The following SHC4 variants were observed in gnomAD, a reference collection of about 807,000 sequenced individuals.
SHC4 encodes the protein SHC adaptor protein 4.
A neutral mutation model predicts 69.4 loss-of-function variants in SHC4; 41 were observed. The ratio of observed to expected loss-of-function variants is 0.59; its 90% CI spans 0.46 to 0.77. The LOEUF is 0.77. SHC4 is among the 30% of genes least tolerant of loss of function. The pLI, the probability that SHC4 is intolerant of heterozygous loss-of-function variation, is 0.00. For synonymous variants in SHC4, 318 were observed against 299.3 expected (o/e 1.06, Z -0.64); for missense variants, 777 against 783.8 (o/e 0.99, Z 0.10).
At position 48,932,771 on chromosome 15, in the gene SHC4, A is replaced by G. The variant is rs759499678; in HGVS notation, c.586-7822T>C. 2.0e-4 allele frequency among the ~76,000 whole-genome samples: 31 copies of G among 152,134 alleles called. 1 individual carries two copies. The highest frequency in any genetic ancestry group is 4.0e-4 in the Non-Finnish European group (27 of 68,020). ...TATGAACTTCTAGCAGACCTTTAAT[A>G]AAACTTCCTTTGCTAATATGGAACT... On this transcript the variant is annotated intron_variant, in intron 1 of 11. Coordinates refer to ENST00000332408, the MANE Select transcript of SHC4 (RefSeq NM_203349.4).
At chr15:48,948,872 T>A (rs1296965360) in intron 1 of SHC4, among the ~76,000 whole-genome samples, 1 of 151,788 alleles carries the variant, frequency 6.6e-6, no homozygotes, top group African/African-American at 2.4e-5. Flanking sequence ...CACCACTGTA[T>A]CCCACCCTGG....
chr15:48,862,810 C>T (rs73402204), intron 6 of SHC4, among the ~76,000 whole-genome samples: 7,015 of 152,204 alleles, frequency 0.046, 454 homozygotes, highest in African/African-American at 0.14. Flanking sequence ...TGCTCTTCCC[C>T]TCTGTTAGGT....
At chr15:48,883,404 T>C (rs1192089126) in intron 4 of SHC4, among the ~76,000 whole-genome samples, 3 of 152,190 alleles carry the variant, frequency 2.0e-5, no homozygotes, top group African/African-American at 4.8e-5. Context: ...TCAACCCATA[T>C]GTAACCTCAG....
At chr15:48,841,614 T>A (rs1034172675) in intron 10 of SHC4, among the ~76,000 whole-genome samples, 2 of 152,208 alleles carry the variant, frequency 1.3e-5, no homozygotes, top group Non-Finnish European at 2.9e-5. Context: ...GTAGGACAAC[T>A]CCGACAGACC....
At position 48,869,449 on chromosome 15, in the gene SHC4, C is replaced by T. The variant is rs537239434; in HGVS notation, c.895-1580G>A. Among the ~76,000 whole-genome samples the T allele has an allele frequency of 4.6e-5, 7 of 152,276 alleles. No homozygotes were observed. In the South Asian group the frequency reaches 8.3e-4, roughly 18 times the overall value. On this transcript the variant is annotated intron_variant, in intron 5 of 11. Coordinates refer to ENST00000332408, the MANE Select transcript of SHC4 (RefSeq NM_203349.4). The stretch of plus-strand genomic sequence containing the variant: ...ACACAGTTCACTGTGAAGCTGTAAA[C>T]GATCTCAGTTAATATCCTAAAACAA...
chr15:48,941,733 T>C (rs1901178538), intron 1 of SHC4, among the ~76,000 whole-genome samples: 1 of 150,620 alleles, frequency 6.6e-6, no homozygotes, highest in Non-Finnish European at 1.5e-5. Context: ...CATGTCTGGA[T>C]ACCTTTCTGG....
chr15:48,912,128 G>A (rs1478168123), intron 2 of SHC4, among the ~76,000 whole-genome samples: 1 of 152,074 alleles, frequency 6.6e-6, no homozygotes, highest in African/African-American at 2.4e-5. Flanking sequence ...TGGATGTCTA[G>A]GTCTCTAGCA....
intron 9 of SHC4, among the ~76,000 whole-genome samples, chr15:48,848,151 A>C (rs1899131261): frequency 6.6e-6 from 1 of 152,182 alleles, no homozygotes; most frequent in South Asian, 2.1e-4. Context: ...CTGCCACAGT[A>C]GGAGGGACCT....
At chr15:48,936,994 C>G (rs1351550348) in intron 1 of SHC4, among the ~76,000 whole-genome samples, 1 of 152,198 alleles carries the variant, frequency 6.6e-6, no homozygotes, top group Non-Finnish European at 1.5e-5. Flanking sequence ...AAAAACTATA[C>G]TGATAGCATT....
chr15:48,941,366 C>T (rs566824820), intron 1 of SHC4, among the ~76,000 whole-genome samples: 1 of 152,252 alleles, frequency 6.6e-6, no homozygotes, highest in Admixed American at 6.5e-5. Context: ...ACGTAGAAGC[C>T]AGGTAGCAAG....
chr15:48,906,681 C>A (rs1262647974), intron 2 of SHC4, among the ~76,000 whole-genome samples: 2 of 152,200 alleles, frequency 1.3e-5, no homozygotes, highest in African/African-American at 4.8e-5. Flanking sequence ...ACTCCTGCTG[C>A]CAAGGCCTCA....
At chr15:48,892,016 G>T (rs1900146108) in intron 2 of SHC4, among the ~76,000 whole-genome samples, 1 of 152,022 alleles carries the variant, frequency 6.6e-6, no homozygotes, top group African/African-American at 2.4e-5. Flanking sequence ...CAACACGCCC[G>T]GTTAATTTTT....
chr15:48,889,831 G>A (rs1900103774), intron 3 of SHC4, among the ~76,000 whole-genome samples: 1 of 152,158 alleles, frequency 6.6e-6, no homozygotes, highest in Non-Finnish European at 1.5e-5. Flanking sequence ...GCAACAGAGC[G>A]AGACTCCGTC....
chr15:48,864,359 C>T (rs1899513200), intron 6 of SHC4, among the ~76,000 whole-genome samples: 3 of 151,392 alleles, frequency 2.0e-5, no homozygotes, highest in Admixed American at 1.3e-4. Context: ...CTGCTGCCCA[C>T]GACTAATGAG....
chr15:48,872,760 T>C (rs974237203), intron 4 of SHC4, among the ~76,000 whole-genome samples: 1 of 152,224 alleles, frequency 6.6e-6, no homozygotes, highest in Non-Finnish European at 1.5e-5. Context: ...ACTTCTAATA[T>C]GAGTAAGAAT....
chr15:48,894,697 T>C (rs1900192673), intron 2 of SHC4, among the ~76,000 whole-genome samples: 1 of 152,186 alleles, frequency 6.6e-6, no homozygotes, highest in Admixed American at 6.5e-5. Flanking sequence ...TGAGCACGTT[T>C]AGTAAAGCCT....
intron 1 of SHC4, among the ~76,000 whole-genome samples, chr15:48,944,413 G>C (rs73402281): frequency 0.023 from 3,509 of 152,258 alleles, 100 homozygotes; most frequent in East Asian, 0.11. Flanking sequence ...AAAGGGGGCT[G>C]ACTCAGCCAG....
intron 11 of SHC4, among the ~76,000 whole-genome samples, chr15:48,828,119 A>G (rs200157497): frequency 0.025 from 1,827 of 74,362 alleles, 17 homozygotes; most frequent in East Asian, 0.059. Context: ...GTGTGTGTAT[A>G]TATATATATA....
intron 2 of SHC4, 116 bp downstream of exon 2, chr15:48,924,763 G>T: frequency 9.5e-7 from 1 of 1,048,180 alleles, no homozygotes; most frequent in Non-Finnish European, 1.5e-6. Context: ...CTACACTCCA[G>T]TCGCGTGAAT....
Sources: allele counts gnomAD v4.1 joint callset (sites outside exome capture counted in the v4.1 genomes callset), GRCh38; gene constraint gnomAD v4.1.1; transcripts MANE v1.5; gene names NCBI Gene and HGNC (gene_info 2026-07-23, HGNC 2026-07-21).